PTPRK: variants seen among roughly 807,000 people sequenced by gnomAD.
PTPRK encodes the protein protein tyrosine phosphatase receptor type K, also known as receptor-type tyrosine-protein phosphatase kappa.
A neutral mutation model predicts 178.0 loss-of-function variants in PTPRK; 75 were observed. The ratio of observed to expected loss-of-function variants is 0.42; its 90% CI spans 0.35 to 0.51. The LOEUF (loss-of-function observed/expected upper bound fraction) is 0.51. Ranked by LOEUF, PTPRK falls within the 20% of genes least tolerant of loss-of-function variation. The probability of loss-of-function intolerance (pLI) is 0.02; values close to 1 mark genes in which losing one functional copy is unlikely to be tolerated. For synonymous variants in PTPRK, 637 were observed against 620.6 expected, an observed-to-expected ratio of 1.03 and a Z score of -0.39; for missense variants, 1,441 against 1,797.8, an observed-to-expected ratio of 0.80 and a Z score of 3.59.
chr6:127,989,979 T>A (rs1776419242), intron 21 of PTPRK, among the ~76,000 whole-genome samples: 1 of 152,170 alleles, frequency 6.6e-6, no homozygotes, highest in African/African-American at 2.4e-5. Flanking sequence ...AAAATGTATT[T>A]CACTGTTACT....
chr6:128,017,798 A>ATGTG (rs1398617531), intron 13 of PTPRK, among the ~76,000 whole-genome samples: 13 of 68,996 alleles, frequency 1.9e-4, no homozygotes, highest in South Asian at 1.6e-3. Flanking sequence ...ATAAATATAT[A>ATGTG]TGTGTATATA....
At chr6:128,242,819 C>CTTAAATTTTTTAAGCAGT (rs1290054812) in intron 3 of PTPRK, among the ~76,000 whole-genome samples, 2 of 152,124 alleles carry the variant, frequency 1.3e-5, no homozygotes, top group African/African-American at 4.8e-5. Flanking sequence ...GGTTAAGCAG[C>CTTAAATTTTTTAAGCAGT]TTAAATTTTT....
intron 13 of PTPRK, among the ~76,000 whole-genome samples, chr6:128,043,491 T>C (rs1171953444): frequency 1.3e-5 from 2 of 151,210 alleles, no homozygotes; most frequent in African/African-American, 4.8e-5. Context: ...GTATAACTAT[T>C]TTATTAATAA....
chr6:128,379,767 C>T (rs1472286434), intron 2 of PTPRK, among the ~76,000 whole-genome samples: 1 of 152,168 alleles, frequency 6.6e-6, no homozygotes, highest in Non-Finnish European at 1.5e-5. Context: ...ATGTTCCTTT[C>T]TAACACTAGT....
chr6:128,259,386 T>C lies in PTPRK; in HGVS notation c.496-16784A>G, dbSNP rs574594410. Among the ~76,000 whole-genome samples the C allele has an allele frequency of 1.1e-4, 17 of 152,250 alleles. No homozygotes were observed. The East Asian group carries it at 2.9e-3, about 26-fold the overall frequency. ...AAAATAGAATATGAAGAGGAAAGCT[T>C]TTCACAATAACCTAATTAAGGAAAC... On this transcript the variant is annotated intron_variant, in intron 3 of 29. Coordinates refer to ENST00000368226, the MANE Select transcript of PTPRK (RefSeq NM_002844.4).
chr6:128,253,644 C>T (rs1816831993), intron 3 of PTPRK, among the ~76,000 whole-genome samples: 1 of 152,178 alleles, frequency 6.6e-6, no homozygotes, highest in Non-Finnish European at 1.5e-5. Flanking sequence ...CAATCTTACA[C>T]ATAGCAGAAG....
intron 1 of PTPRK, among the ~76,000 whole-genome samples, chr6:128,458,206 T>C (rs1293682757): frequency 6.6e-6 from 1 of 151,788 alleles, no homozygotes; most frequent in Non-Finnish European, 1.5e-5. Flanking sequence ...CCCACCTCCA[T>C]CCAAACTAAA....
chr6:128,001,246 A>G, intron 15 of PTPRK: 1 of 1,500,334 alleles, frequency 6.7e-7, no homozygotes, highest in East Asian at 2.5e-5. Flanking sequence ...AAAACCAAAA[A>G]TACGAATCAG....
chr6:128,412,867 G>A (rs553203491), intron 1 of PTPRK, among the ~76,000 whole-genome samples: 2 of 152,034 alleles, frequency 1.3e-5, no homozygotes, highest in Non-Finnish European at 1.5e-5. Context: ...TTCCCTTCAC[G>A]AGCGGGAGGG....
In PTPRK at chr6:128,079,357, T is replaced by C. The variant is rs932741964; in HGVS notation, c.1778-439A>G. 2.6e-5 allele frequency among the ~76,000 whole-genome samples: 4 copies of C among 152,090 alleles called. No homozygotes were observed. In the South Asian group the frequency reaches 8.3e-4, roughly 32 times the overall value. On this transcript the variant is annotated intron_variant, in intron 10 of 29. Transcript: ENST00000368226. ...GGTGAAACAGTGTCGTTTATGATCT[T>C]ATAGTGTAGAAAGACACAGTACTCT... is the stretch of plus-strand genomic sequence containing the variant.
At chr6:128,295,090 AAATTT>A (rs1393115342) in intron 3 of PTPRK, among the ~76,000 whole-genome samples, 1 of 152,114 alleles carries the variant, frequency 6.6e-6, no homozygotes, top group Non-Finnish European at 1.5e-5. Context: ...TTCTCTTTCA[AAATTT>A]AACTATATGA....
chr6:128,103,857 A>G (rs1789213543), intron 7 of PTPRK, among the ~76,000 whole-genome samples: 1 of 152,074 alleles, frequency 6.6e-6, no homozygotes, highest in Non-Finnish European at 1.5e-5. Flanking sequence ...GATCCTGAAA[A>G]AGCCCCCAGT....
At chr6:127,990,979 A>G in intron 20 of PTPRK, 94 bp from the exon 21 acceptor site, 1 of 763,114 alleles carries the variant, frequency 1.3e-6, no homozygotes, top group Non-Finnish European at 2.2e-6. Context: ...TGTCACAATT[A>G]AAACTCAGTT....
At chr6:128,097,453 T>A (rs1788100957) in intron 7 of PTPRK, among the ~76,000 whole-genome samples, 1 of 152,182 alleles carries the variant, frequency 6.6e-6, no homozygotes, top group Non-Finnish European at 1.5e-5. Context: ...AGGAAATTGT[T>A]TGATTTTAAA....
At chr6:128,460,492 C>T (rs2128411727) in intron 1 of PTPRK, among the ~76,000 whole-genome samples, 1 of 151,924 alleles carries the variant, frequency 6.6e-6, no homozygotes, top group South Asian at 2.1e-4. Flanking sequence ...CAGTGAGCAG[C>T]TGTAATCATA....
chr6:128,376,149 T>A (rs1392954593), intron 2 of PTPRK, among the ~76,000 whole-genome samples: 1 of 152,102 alleles, frequency 6.6e-6, no homozygotes, highest in Admixed American at 6.6e-5. Flanking sequence ...CCCAGTAAGG[T>A]ACTCATTGTG....
chr6:128,305,926 C>T (rs764821556), intron 3 of PTPRK, among the ~76,000 whole-genome samples: 3 of 152,164 alleles, frequency 2.0e-5, no homozygotes, highest in Non-Finnish European at 4.4e-5. Flanking sequence ...TGAAGAAATA[C>T]GTGAGACTGG....
chr6:128,182,068 AAT>A (rs1273945663), intron 7 of PTPRK, among the ~76,000 whole-genome samples: 1 of 152,116 alleles, frequency 6.6e-6, no homozygotes, highest in African/African-American at 2.4e-5. Context: ...TGAGGACATT[AAT>A]TAGCTATAAT....
At chr6:128,151,251 T>C (rs1202461951) in intron 7 of PTPRK, among the ~76,000 whole-genome samples, 4 of 152,050 alleles carry the variant, frequency 2.6e-5, no homozygotes, top group Non-Finnish European at 5.9e-5. Flanking sequence ...CCATTAGTAA[T>C]GTACTTGGAA....
Sources: gnomAD v4.1 joint callset for allele counts (sites outside exome capture counted in the v4.1 genomes callset) on GRCh38, gnomAD v4.1.1 for gene constraint, MANE v1.5 for transcripts, NCBI Gene and HGNC (gene_info 2026-07-23, HGNC 2026-07-21) for gene names.